The following DOCK3 variants were observed in gnomAD, a reference collection of about 807,000 sequenced individuals.
The protein encoded by DOCK3 is dedicator of cytokinesis 3.
In DOCK3, 60 loss-of-function variants were observed where a neutral mutation model predicts 265.6. The observed-to-expected ratio is 0.23, with a 90% CI of 0.18 to 0.28. The LOEUF (loss-of-function observed/expected upper bound fraction) is 0.28, where lower values mean the gene tolerates loss of function less well. Ranked by LOEUF, DOCK3 falls within the 10% of genes least tolerant of loss-of-function variation. DOCK3 has a pLI of 1.00. For missense variants in DOCK3, 1,981 were observed against 2,594.3 expected, an observed-to-expected ratio of 0.76 and a Z score of 5.14; for synonymous variants, 881 against 938.0, an observed-to-expected ratio of 0.94 and a Z score of 1.11.
At chr3:50,907,911 C>G (rs1228672092) in intron 4 of DOCK3, among the ~76,000 whole-genome samples, 2 of 151,926 alleles carry the variant, frequency 1.3e-5, no homozygotes, top group East Asian at 3.9e-4. Context: ...TGTTGTTGGT[C>G]TATTCAGAGA....
intron 1 of DOCK3, among the ~76,000 whole-genome samples, chr3:50,740,155 G>A (rs2038922046): frequency 6.6e-6 from 1 of 151,896 alleles, no homozygotes; most frequent in African/African-American, 2.4e-5. Context: ...TATTCATTTA[G>A]TCTCATTATT....
chr3:50,735,755 G>T (rs1256761220), intron 1 of DOCK3, among the ~76,000 whole-genome samples: 1 of 152,120 alleles, frequency 6.6e-6, no homozygotes, highest in African/African-American at 2.4e-5. Flanking sequence ...CTGCTATAAA[G>T]AAATACCTGA....
chr3:50,822,095 G>A (rs1030869544), intron 2 of DOCK3, among the ~76,000 whole-genome samples: 1 of 152,144 alleles, frequency 6.6e-6, no homozygotes, highest in African/African-American at 2.4e-5. Context: ...GCTTTGGGCA[G>A]TATGACCATT....
At chr3:51,036,771 G>A (rs771676297) in intron 5 of DOCK3, among the ~76,000 whole-genome samples, 5 of 152,048 alleles carry the variant, frequency 3.3e-5, no homozygotes, top group African/African-American at 2.4e-5. Flanking sequence ...CAGTTGCCAT[G>A]TGTCATGGGA....
intron 10 of DOCK3, among the ~76,000 whole-genome samples, chr3:51,150,332 CT>C (rs1313462952): frequency 1.3e-5 from 2 of 152,014 alleles, no homozygotes; most frequent in Non-Finnish European, 2.9e-5. Flanking sequence ...GTGTCTCTGT[CT>C]CTTTCAGTTC....
intron 5 of DOCK3, among the ~76,000 whole-genome samples, chr3:51,047,314 G>A (rs565319963): frequency 7.9e-5 from 12 of 151,412 alleles, no homozygotes; most frequent in African/African-American, 2.9e-4. Flanking sequence ...TAAATGATGA[G>A]TTAATGGGTG....
chr3:50,928,288 TAAAC>T lies in DOCK3; in HGVS notation c.219-5691_219-5688del, dbSNP rs542061453. ...TCGCCAAAAGAATCTTTGTCCCTGT[TAAAC>T]AGTTACTCCCCATTCTCCCTCTACC... On this transcript the variant is annotated intron_variant, in intron 4 of 52. Transcript: ENST00000266037. Among the ~76,000 whole-genome samples, 3 of 152,200 alleles carry T rather than the reference TAAAC, an allele frequency of 2.0e-5. No homozygotes were observed. In the South Asian group the frequency reaches 6.2e-4, roughly 32 times the overall value.
intron 5 of DOCK3, among the ~76,000 whole-genome samples, chr3:50,937,013 A>G (rs1321434204): frequency 6.6e-6 from 1 of 152,218 alleles, no homozygotes; most frequent in Non-Finnish European, 1.5e-5. Context: ...GTGGTGGCTC[A>G]TGCCTGTAAT....
At chr3:51,093,882 T>G (rs1037097126) in intron 9 of DOCK3, among the ~76,000 whole-genome samples, 1 of 152,216 alleles carries the variant, frequency 6.6e-6, no homozygotes, top group African/African-American at 2.4e-5. Flanking sequence ...CATGAAGCAG[T>G]GTTTAATTTT....
At chr3:51,312,348 A>T in intron 29 of DOCK3, 128 bp from the exon 30 acceptor site, 2 of 952,840 alleles carry the variant, frequency 2.1e-6, no homozygotes, top group Non-Finnish European at 3.1e-6. Context: ...AAAGATATTT[A>T]AAAGGGAAAA....
chr3:51,271,911 T>A (rs888534428), intron 24 of DOCK3, among the ~76,000 whole-genome samples: 6 of 151,774 alleles, frequency 4.0e-5, no homozygotes, highest in Admixed American at 1.3e-4. Flanking sequence ...CTTTCTTGTT[T>A]CCTTGCCATA....
intron 9 of DOCK3, among the ~76,000 whole-genome samples, chr3:51,102,992 A>C (rs181838381): frequency 6.6e-6 from 1 of 152,304 alleles, no homozygotes. Flanking sequence ...CTTGAACTCA[A>C]TTGTCATTAA....
chr3:51,161,180 C>T (rs1286744729), intron 12 of DOCK3, among the ~76,000 whole-genome samples: 4 of 151,784 alleles, frequency 2.6e-5, no homozygotes. Flanking sequence ...CACGGTGGCT[C>T]ACGCCTGTAA....
chr3:51,309,944 C>A (rs919542797), intron 27 of DOCK3, among the ~76,000 whole-genome samples: 7 of 152,240 alleles, frequency 4.6e-5, no homozygotes, highest in African/African-American at 1.7e-4. Flanking sequence ...TAGTCTGTCC[C>A]ATGCTTTGGG....
At chr3:51,008,493 T>G (rs2078782984) in intron 5 of DOCK3, among the ~76,000 whole-genome samples, 2 of 152,220 alleles carry the variant, frequency 1.3e-5, no homozygotes, top group South Asian at 4.1e-4. Context: ...CCTGATACTT[T>G]GCCAAAGTTG....
intron 27 of DOCK3, among the ~76,000 whole-genome samples, chr3:51,285,057 G>A (rs578037385): frequency 6.6e-6 from 1 of 152,286 alleles, no homozygotes; most frequent in African/African-American, 2.4e-5. Context: ...CATAACAAGA[G>A]TCTGGCTCCT....
intron 9 of DOCK3, among the ~76,000 whole-genome samples, chr3:51,114,206 C>T (rs2083638282): frequency 6.6e-6 from 1 of 152,050 alleles, no homozygotes; most frequent in South Asian, 2.1e-4. Context: ...TTGTTGACAT[C>T]AGAACAGTGC....
intron 1 of DOCK3, among the ~76,000 whole-genome samples, chr3:50,716,463 G>C (rs983833090): frequency 3.9e-5 from 6 of 152,082 alleles, no homozygotes; most frequent in African/African-American, 1.2e-4. Flanking sequence ...AGGAGGTGGA[G>C]CTTGCAGTGA....
chr3:51,275,297 A>G, intron 25 of DOCK3, 91 bp downstream of exon 25: 1 of 1,564,730 alleles, frequency 6.4e-7, no homozygotes, highest in Non-Finnish European at 8.7e-7. Flanking sequence ...ATCGCTTTGT[A>G]CACTTTTCAG....
Sources: gnomAD v4.1 joint callset for allele counts (sites outside exome capture counted in the v4.1 genomes callset) on GRCh38, gnomAD v4.1.1 for gene constraint, MANE v1.5 for transcripts, NCBI Gene and HGNC (gene_info 2026-07-23, HGNC 2026-07-21) for gene names.